GALNTL6: variants seen among roughly 807,000 people sequenced by gnomAD.
The protein encoded by GALNTL6 is polypeptide N-acetylgalactosaminyltransferase-like 6.
Under a neutral mutation model 73.7 loss-of-function variants are expected in GALNTL6, and 46 were observed. That is an observed-to-expected ratio of 0.62 (90% CI 0.49 to 0.80). GALNTL6 has a LOEUF of 0.80. Among genes scored for constraint, GALNTL6 ranks in the 30% least tolerant of loss-of-function variants. GALNTL6 has a pLI of 0.00. For synonymous variants in GALNTL6, 259 were observed against 263.7 expected (o/e 0.98, Z 0.17); for missense variants, 604 against 755.0 (o/e 0.80, Z 2.34).
At chr4:172,662,068 G>A (rs985440868) in intron 5 of GALNTL6, among the ~76,000 whole-genome samples, 1 of 152,138 alleles carries the variant, frequency 6.6e-6, no homozygotes, top group Non-Finnish European at 1.5e-5. Flanking sequence ...AGGATCTCAG[G>A]CCCCTTTCTA....
chr4:172,755,154 T>G (rs1737674721), intron 5 of GALNTL6, among the ~76,000 whole-genome samples: 3 of 152,100 alleles, frequency 2.0e-5, no homozygotes, highest in Middle Eastern at 3.4e-3. Flanking sequence ...TTCAGAATGA[T>G]TCAAGGATTT....
At chr4:172,962,815 A>G (rs1020219008) in intron 10 of GALNTL6, among the ~76,000 whole-genome samples, 3 of 151,968 alleles carry the variant, frequency 2.0e-5, no homozygotes, top group Non-Finnish European at 4.4e-5. Context: ...GATATGTTAC[A>G]GACCATAAAC....
intron 3 of GALNTL6, among the ~76,000 whole-genome samples, chr4:172,293,713 G>A (rs1739553314): frequency 1.3e-5 from 2 of 151,236 alleles, no homozygotes; most frequent in South Asian, 4.2e-4. Flanking sequence ...CAATACATCT[G>A]TATAAATTAA....
intron 11 of GALNTL6, among the ~76,000 whole-genome samples, chr4:173,016,369 T>A (rs1752782667): frequency 2.0e-5 from 3 of 152,162 alleles, no homozygotes; most frequent in African/African-American, 7.2e-5. Context: ...CCACAGGCAC[T>A]CAATGCCAGC....
At chr4:171,883,658 T>A (rs996332818) in intron 2 of GALNTL6, among the ~76,000 whole-genome samples, 3 of 151,946 alleles carry the variant, frequency 2.0e-5, no homozygotes, top group Non-Finnish European at 4.4e-5. Flanking sequence ...CTTTTCTTTT[T>A]TTTTTTTGAG....
chr4:172,457,849 G>A (rs370389185), intron 5 of GALNTL6, among the ~76,000 whole-genome samples: 1 of 152,054 alleles, frequency 6.6e-6, no homozygotes, highest in African/African-American at 2.4e-5. Flanking sequence ...CGCAGCTCTG[G>A]ACTAAGCAGA....
chr4:172,365,705 TA>T (rs11303194), intron 5 of GALNTL6, among the ~76,000 whole-genome samples: 8,418 of 132,948 alleles, frequency 0.063, 659 homozygotes, highest in African/African-American at 0.19. Flanking sequence ...GTGGGAAATC[TA>T]AAAAAAAAAA....
chr4:173,018,358 G>A (rs1160051176), intron 11 of GALNTL6, among the ~76,000 whole-genome samples: 1 of 152,154 alleles, frequency 6.6e-6, no homozygotes, highest in African/African-American at 2.4e-5. Context: ...ACTAAAAAGA[G>A]ATTCATTAAT....
intron 5 of GALNTL6, among the ~76,000 whole-genome samples, chr4:172,580,190 A>G (rs757356937): frequency 1.3e-5 from 2 of 152,202 alleles, no homozygotes; most frequent in Non-Finnish European, 2.9e-5. Flanking sequence ...ACAAGCCAAC[A>G]TGAGGAAAAT....
intron 5 of GALNTL6, among the ~76,000 whole-genome samples, chr4:172,375,730 C>T (rs1743004053): frequency 6.6e-6 from 1 of 152,134 alleles, no homozygotes; most frequent in Non-Finnish European, 1.5e-5. Context: ...CTTACTGATG[C>T]ATTCTTGAAA....
intron 2 of GALNTL6, among the ~76,000 whole-genome samples, chr4:172,084,713 G>A (rs1001957707): frequency 6.6e-6 from 1 of 152,096 alleles, no homozygotes; most frequent in Non-Finnish European, 1.5e-5. Context: ...ACTGGGATCA[G>A]GCAATTTGGC....
intron 5 of GALNTL6, among the ~76,000 whole-genome samples, chr4:172,609,674 GT>G: frequency 1.0e-5 from 1 of 97,594 alleles, no homozygotes; most frequent in Middle Eastern, 6.9e-3. Flanking sequence ...TGTCTGCCAG[GT>G]TTTGGTATCA....
At chr4:171,942,247 T>TAAAA (rs1738571877) in intron 2 of GALNTL6, among the ~76,000 whole-genome samples, 1 of 147,890 alleles carries the variant, frequency 6.8e-6, no homozygotes, top group African/African-American at 2.5e-5. Context: ...AATAGATAAA[T>TAAAA]AAATAAATAA....
In GALNTL6 at chr4:172,524,384, G is replaced by C. The variant is rs538196822; in HGVS notation, c.553+175695G>C. Reference sequence around the variant, plus strand: ...CTGCTTCAGCCTCCCGAGTAGCTGGGATTACAGGTATGCGCCACCATGCCC... The same window carrying C: ...CTGCTTCAGCCTCCCGAGTAGCTGGCATTACAGGTATGCGCCACCATGCCC... On this transcript the variant is annotated intron_variant, in intron 5 of 12. Coordinates refer to ENST00000506823, the MANE Select transcript of GALNTL6 (RefSeq NM_001034845.3). Among the ~76,000 whole-genome samples the C allele has an allele frequency of 7.2e-5, 11 of 152,240 alleles. No individual in the cohort carries two copies. In the East Asian group the frequency reaches 2.1e-3, roughly 29 times the overall value.
intron 8 of GALNTL6, among the ~76,000 whole-genome samples, chr4:172,909,829 C>T (rs1483434556): frequency 6.6e-6 from 1 of 151,950 alleles, no homozygotes; most frequent in African/African-American, 2.4e-5. Flanking sequence ...ACATATACAA[C>T]ACATGTATCT....
At chr4:172,172,354 T>G (rs1734857376) in intron 2 of GALNTL6, among the ~76,000 whole-genome samples, 1 of 152,032 alleles carries the variant, frequency 6.6e-6, no homozygotes, top group Non-Finnish European at 1.5e-5. Flanking sequence ...CTCGCCACCA[T>G]GCCCGGCTAA....
intron 5 of GALNTL6, among the ~76,000 whole-genome samples, chr4:172,599,302 C>A (rs900261545): frequency 6.6e-6 from 1 of 152,058 alleles, no homozygotes; most frequent in South Asian, 2.1e-4. Flanking sequence ...TATTTGAAAA[C>A]CTCATTTTGT....
intron 5 of GALNTL6, among the ~76,000 whole-genome samples, chr4:172,674,477 T>A (rs1732166083): frequency 6.6e-6 from 1 of 152,100 alleles, no homozygotes; most frequent in African/African-American, 2.4e-5. Flanking sequence ...CTTACTGGGG[T>A]TCTCTGCATT....
intron 5 of GALNTL6, among the ~76,000 whole-genome samples, chr4:172,643,701 A>C (rs536475409): frequency 6.6e-6 from 1 of 152,012 alleles, no homozygotes; most frequent in South Asian, 2.1e-4. Context: ...ATTTTTGTTA[A>C]CCATTTTCTG....
Sources: gnomAD v4.1 joint callset for allele counts (sites outside exome capture counted in the v4.1 genomes callset) on GRCh38, gnomAD v4.1.1 for gene constraint, MANE v1.5 for transcripts, NCBI Gene and HGNC (gene_info 2026-07-23, HGNC 2026-07-21) for gene names.